EXOC3L2: variants seen among roughly 807,000 people sequenced by gnomAD.
The protein encoded by EXOC3L2 is exocyst complex component 3-like protein 2.
A neutral mutation model predicts 44.4 loss-of-function variants in EXOC3L2; 17 were observed. The observed-to-expected ratio is 0.38, with a 90% confidence interval of 0.26 to 0.57. EXOC3L2 has a LOEUF of 0.57. Among genes scored for constraint, EXOC3L2 ranks in the 20% least tolerant of loss-of-function variants. The probability of loss-of-function intolerance (pLI) is 0.65; values close to 1 mark genes in which losing one functional copy is unlikely to be tolerated. For missense variants in EXOC3L2, 541 were observed against 588.4 expected (o/e 0.92, Z 0.83); for synonymous variants, 256 against 253.7 (o/e 1.01, Z -0.09).
chr19:45,224,143 G>T (rs1969928735), intron 8 of EXOC3L2, among the ~76,000 whole-genome samples: 1 of 151,244 alleles, frequency 6.6e-6, no homozygotes, highest in South Asian at 2.1e-4. Flanking sequence ...GGCGTGGCTG[G>T]AGTGGGATTA....
In EXOC3L2 at chr19:45,213,078, G is replaced by C. The variant is rs772113746; in HGVS notation, c.2400C>G (p.Ala800=). ...GGCGGTTGGGTGACCCTCAGCGCTG[G>C]GCCCGAGGTCGCGCTAGAGACGGAG... ...PRPPSLARPR[A]QR is the part of the protein sequence containing the mutation. Residue 800 remains alanine, a synonymous_variant, in exon 12 of 12, where the codon GCC becomes GCG. Coordinates refer to ENST00000413988, the MANE Select transcript of EXOC3L2 (RefSeq NM_001382422.1). 6.7e-7 allele frequency: 1 copy of C among 1,497,984 alleles called. No homozygotes were observed. The highest frequency in any genetic ancestry group is 1.4e-5 in the African/African-American group (1 of 71,404). 92.8% of individuals were successfully genotyped at this position (1,497,984 alleles called of 1,614,324 possible).
chr19:45,213,417 C>T lies in EXOC3L2; in HGVS notation c.2121-60G>A, dbSNP rs1969800459. ...CCCCAGCTCTAGACACACACCCAAC[C>T]CAGCCGTGGACCCCACCTGACCCCC... On this transcript the variant is annotated intron_variant, in intron 11 of 11. Transcript: ENST00000413988. 3.8e-6 allele frequency: 6 copies of T among 1,588,552 alleles called. No homozygotes were observed. In the East Asian group the frequency reaches 9.1e-5, roughly 24 times the overall value.
intron 8 of EXOC3L2, among the ~76,000 whole-genome samples, chr19:45,222,260 C>A (rs1451817424): frequency 6.7e-6 from 1 of 148,838 alleles, no homozygotes; most frequent in Non-Finnish European, 1.5e-5. Context: ...AGTACAGTGG[C>A]ATGATCTCAT....
intron 4 of EXOC3L2, among the ~76,000 whole-genome samples, chr19:45,229,837 C>A (rs1352315822): frequency 1.7e-5 from 2 of 117,178 alleles, no homozygotes; most frequent in Non-Finnish European, 3.2e-5. Context: ...AAGAGTGAAA[C>A]TCCGTCTCAA....
intron 1 of EXOC3L2, among the ~76,000 whole-genome samples, chr19:45,244,955 G>A (rs571773323): frequency 5.9e-5 from 9 of 151,568 alleles, no homozygotes; most frequent in Admixed American, 2.6e-4. Context: ...TCCCATCTCC[G>A]AGACCCCATC....
At chr19:45,216,327 G>GTGCTGGGATTA in intron 10 of EXOC3L2, 133 bp from the exon 11 acceptor site, 2 of 1,301,482 alleles carry the variant, frequency 1.5e-6, no homozygotes, top group South Asian at 1.5e-5. Context: ...TGTAATCCCA[G>GTGCTGGGATTA]CACTTTGGGA....
At position 45,212,923 on chromosome 19, in the gene EXOC3L2, G is replaced by A; in HGVS notation, c.*146C>T. 1.1e-6 allele frequency: 1 copy of A among 923,118 alleles called. No homozygotes were observed. The highest frequency in any genetic ancestry group is 1.7e-5 in the African/African-American group (1 of 57,796). 57.2% of individuals were successfully genotyped at this position (923,118 alleles called of 1,614,324 possible). ...CGTTTGTTTCCCTTCTGTACAGGGA[G>A]TTTGGGGTTGGGTGAAAAGACATCT... On this transcript the variant is annotated 3_prime_UTR_variant, in exon 12 of 12. Transcript: ENST00000413988.
chr19:45,230,287 C>T (rs1970016981), intron 4 of EXOC3L2, among the ~76,000 whole-genome samples: 1 of 152,110 alleles, frequency 6.6e-6, no homozygotes, highest in Non-Finnish European at 1.5e-5. Flanking sequence ...GGTGCGATCT[C>T]GGCTCACTGC....
rs753101455 is a variant in EXOC3L2 at position 45,234,774 on chromosome 19, C to T, written c.576G>A (p.Glu192=). The T allele has an allele frequency of 2.5e-6, 1 of 396,416 alleles. No individual in the cohort carries two copies. The highest frequency in any genetic ancestry group is 4.5e-6 in the Non-Finnish European group (1 of 224,576). The allele number at this position is 396,416 out of a possible 1,614,324, so 24.6% of individuals were successfully genotyped here. A position where few individuals can be genotyped will look rare whatever the true frequency, so the allele number is the denominator to read the frequency against. Residue 192 remains glutamate (E), a synonymous_variant, in exon 3 of 12, where the codon GAG becomes GAA. Transcript: ENST00000413988. The surrounding 1 kb of genome is among the most constrained non-coding windows in gnomAD (Gnocchi z 5.0). ...CCTCGGCCTCTAGCTCCAGGATGTG[C>T]TCGTCCGCACGCGCTAGTTCGCGCT... ...IQQRELARAD[E]HILELEAEEL...
intron 8 of EXOC3L2, among the ~76,000 whole-genome samples, chr19:45,222,005 T>C (rs1969903604): frequency 6.6e-6 from 1 of 151,576 alleles, no homozygotes; most frequent in Non-Finnish European, 1.5e-5. Context: ...ACCCACATAA[T>C]GCCTGGGCCC....
At chr19:45,239,900 GAC>G (rs543536751) in intron 1 of EXOC3L2, among the ~76,000 whole-genome samples, 1 of 151,894 alleles carries the variant, frequency 6.6e-6, no homozygotes, top group Admixed American at 6.6e-5. Context: ...CTCCCAAGAT[GAC>G]ACAGTCAGTC....
At chr19:45,218,803 A>AAAAATT (rs1969866624) in intron 8 of EXOC3L2, among the ~76,000 whole-genome samples, 1 of 152,152 alleles carries the variant, frequency 6.6e-6, no homozygotes, top group African/African-American at 2.4e-5. Flanking sequence ...GACTTCATTT[A>AAAAATT]AAAATTATTA....
rs745798450 is a variant in EXOC3L2 at position 45,228,234 on chromosome 19, C to G, written c.1302G>C (p.Leu434=). The change falls in exon 5 of 12, where the codon CTG becomes CTC. Residue 434 remains leucine, a synonymous_variant. Transcript: ENST00000413988. ...TCCCCCAGTGCTCTTCGTCCTCCTG[C>G]AGCACACGGAGAAGGGCAGCCCGGG... The part of the protein sequence containing the change: ...AQTRAALLRV[L]QEDEEHWGSL... 6.2e-7 allele frequency: 1 copy of G among 1,614,104 alleles called. No homozygotes were observed. Among genetic ancestry groups the G allele is most frequent in the South Asian group, 1.1e-5 (1 of 91,080 alleles).
intron 11 of EXOC3L2, 40 bp from the exon 12 acceptor site, chr19:45,213,397 G>A: frequency 1.2e-6 from 2 of 1,603,268 alleles, no homozygotes; most frequent in Middle Eastern, 1.7e-4. Context: ...CAGATCCCCA[G>A]CTCTAGACAC....
chr19:45,217,599 G>A lies in EXOC3L2; in HGVS notation c.1927C>T (p.Arg643Trp). Residue 643 changes from arginine (R) to tryptophan (W), a missense_variant, in exon 10 of 12, where the codon CGG becomes TGG. Transcript: ENST00000413988. ...CTGCCGGCCACGCGGCTGCGGGTCC[G>A]CGCCGAGCTGCAGCGCAGGCGCCCA... is the stretch of plus-strand genomic sequence containing the variant. ...LRGRLRCSSA[R>W]TRSRVAGRLR... is the part of the protein sequence containing the mutation. The A allele has an allele frequency of 3.3e-6, 5 of 1,524,396 alleles. No individual in the cohort carries two copies. Among genetic ancestry groups the A allele is most frequent in the South Asian group, 2.4e-5 (2 of 82,374 alleles). The allele number at this position is 1,524,396 out of a possible 1,614,324, so 94.4% of individuals were successfully genotyped here. A position where few individuals can be genotyped will look rare whatever the true frequency, so the allele number is the denominator to read the frequency against.
At chr19:45,223,816 ACAC>A (rs201155179) in intron 8 of EXOC3L2, among the ~76,000 whole-genome samples, 12,600 of 151,402 alleles carry the variant, frequency 0.083, 676 homozygotes, top group African/African-American at 0.15. Flanking sequence ...ACATGGTAAA[ACAC>A]CATCTCTACT....
At chr19:45,217,490 G>A (rs1050500859) in intron 10 of EXOC3L2, 38 bp downstream of exon 10, 31 of 1,539,352 alleles carry the variant, frequency 2.0e-5, no homozygotes, top group Non-Finnish European at 2.4e-5. Flanking sequence ...GCCTTGTCCT[G>A]GTTTCTGAAA....
chr19:45,214,118 G>C (rs900454059), intron 11 of EXOC3L2, among the ~76,000 whole-genome samples: 2 of 152,026 alleles, frequency 1.3e-5, no homozygotes, highest in African/African-American at 4.8e-5. Context: ...TTCAAGTTCA[G>C]AAACTCCACA....
chr19:45,216,084 G>A lies in EXOC3L2; in HGVS notation c.2109C>T (p.Tyr703=). ...GCGGGGTGTCTCACCTGATGTCTGG[G>A]TAGTCGCGCACCAACACTCCCACCT... is the stretch of plus-strand genomic sequence containing the variant. ...QVEVGVLVRD[Y]PDIRQKHVAA... is the part of the protein sequence containing the mutation. Residue 703 remains tyrosine (Y), a synonymous_variant, in exon 11 of 12, where the codon TAC becomes TAT. Coordinates refer to ENST00000413988, the MANE Select transcript of EXOC3L2 (RefSeq NM_001382422.1). The A allele has an allele frequency of 6.2e-7, 1 of 1,613,836 alleles. No homozygotes were observed. Among genetic ancestry groups the A allele is most frequent in the Non-Finnish European group, 8.5e-7 (1 of 1,179,912 alleles).
Sources: allele counts gnomAD v4.1 joint callset (sites outside exome capture counted in the v4.1 genomes callset), GRCh38; gene constraint gnomAD v4.1.1; non-coding constraint Gnocchi (gnomAD v3.1); transcripts MANE v1.5; gene names NCBI Gene and HGNC (gene_info 2026-07-23, HGNC 2026-07-21).